DRICH1: variants seen among roughly 807,000 people sequenced by gnomAD.
DRICH1 encodes the protein aspartate-rich protein 1.
DRICH1 carries 38 observed loss-of-function variants against 39.5 expected under a neutral mutation model. The observed-to-expected ratio is 0.96, with a 90% CI of 0.74 to 1.26. The LOEUF is 1.26. DRICH1 is among the 50% of genes most tolerant of loss of function. The probability of loss-of-function intolerance (pLI) is 0.00; values close to 1 mark genes in which losing one functional copy is unlikely to be tolerated. For missense variants in DRICH1, 279 were observed against 270.4 expected (o/e 1.03, Z -0.22); for synonymous variants, 84 against 99.5 (o/e 0.84, Z 0.93).
the DRICH1 span, among the ~76,000 whole-genome samples, chr22:23,599,104 A>C: frequency 2.0e-5 from 3 of 152,206 alleles, no homozygotes; most frequent in African/African-American, 7.2e-5. Flanking sequence ...TACAGGGACA[A>C]TAAGGCCACT....
the DRICH1 span, among the ~76,000 whole-genome samples, chr22:23,597,916 T>G: frequency 6.6e-6 from 1 of 151,698 alleles, no homozygotes; most frequent in Non-Finnish European, 1.5e-5. Flanking sequence ...ACATCTGTCT[T>G]GTTTTTCTCC....
chr22:23,622,155 C>T lies in DRICH1; in HGVS notation c.320G>A (p.Ser107Asn). ...TTCACTTCGTGGTAGGCATACTAAA[C>T]TCAGGTTGTCCTCAGAAGAACCTGG... ...PVQGSSEDNL[S>N]LVCLPRSEDD... The change falls in exon 4 of 12, where the codon AGT becomes AAT. Residue 107 changes from serine to asparagine, a missense_variant. Coordinates refer to ENST00000317749, the MANE Select transcript of DRICH1 (RefSeq NM_016449.4). The T allele has an allele frequency of 6.2e-7, 1 of 1,614,100 alleles. No individual in the cohort carries two copies. Among genetic ancestry groups the T allele is most frequent in the Non-Finnish European group, 8.5e-7 (1 of 1,179,984 alleles).
chr22:23,582,870 A>G, the DRICH1 span, among the ~76,000 whole-genome samples: 3 of 152,098 alleles, frequency 2.0e-5, no homozygotes, highest in Non-Finnish European at 4.4e-5. Context: ...CAATTATCAT[A>G]TTATTATTAT....
chr22:23,621,210 G>A (rs1255342730), intron 4 of DRICH1, among the ~76,000 whole-genome samples: 2 of 151,918 alleles, frequency 1.3e-5, no homozygotes, highest in East Asian at 3.9e-4. Context: ...TGCTTGTTGG[G>A]CCCCCTCTCC....
At chr22:23,613,074 C>T (rs998918540) in intron 11 of DRICH1, among the ~76,000 whole-genome samples, 3 of 152,198 alleles carry the variant, frequency 2.0e-5, no homozygotes, top group Admixed American at 6.5e-5. Context: ...CAAAGATAAT[C>T]TCTCATGAAC....
downstream of DRICH1, among the ~76,000 whole-genome samples, chr22:23,604,914 G>A (rs1926649788): frequency 6.6e-6 from 1 of 152,096 alleles, no homozygotes; most frequent in Non-Finnish European, 1.5e-5. Context: ...AAAGTACATG[G>A]CCTTCCCTTT....
At chr22:23,623,239 T>C (rs1191237989) in intron 3 of DRICH1, among the ~76,000 whole-genome samples, 2 of 151,992 alleles carry the variant, frequency 1.3e-5, no homozygotes, top group Non-Finnish European at 1.5e-5. Flanking sequence ...ACCACATCTC[T>C]ACTAAAAATA....
At chr22:23,619,442 TG>T (rs1569091707) in intron 5 of DRICH1, 49 bp from the exon 6 acceptor site, 1 of 776,588 alleles carries the variant, frequency 1.3e-6, no homozygotes, top group South Asian at 1.4e-5. Flanking sequence ...AATCTCTATG[TG>T]CCTCAAATAA....
chr22:23,626,053 A>C lies in DRICH1; in HGVS notation c.209-5T>G. 1 of 1,609,566 alleles carries C rather than the reference A, an allele frequency of 6.2e-7. No individual in the cohort carries two copies. On this transcript the variant is annotated splice_region_variant and splice_polypyrimidine_tract_variant and intron_variant, in intron 1 of 11. Coordinates refer to ENST00000317749, the MANE Select transcript of DRICH1 (RefSeq NM_016449.4). ...TCAGGCGGTCCTCAGGGGGACCTAA[A>C]AGGACACAGAGTTAATGTCAGTGCC...
At chr22:23,629,832 G>T (rs1204221890) in intron 1 of DRICH1, among the ~76,000 whole-genome samples, 1 of 152,102 alleles carries the variant, frequency 6.6e-6, no homozygotes, top group Non-Finnish European at 1.5e-5. Flanking sequence ...TGGCCAGGCT[G>T]GTCTCAAGCT....
intron 3 of DRICH1, among the ~76,000 whole-genome samples, chr22:23,622,469 C>A (rs541163178): frequency 6.6e-6 from 1 of 152,274 alleles, no homozygotes; most frequent in African/African-American, 2.4e-5. Context: ...CTTCCTACCT[C>A]TCAAATGTTT....
At chr22:23,613,927 A>G (rs1927192399) in intron 9 of DRICH1, among the ~76,000 whole-genome samples, 1 of 152,248 alleles carries the variant, frequency 6.6e-6, no homozygotes, top group South Asian at 2.1e-4. Flanking sequence ...TCAGTATTCC[A>G]GTTGATAATG....
chr22:23,593,893 G>T, the DRICH1 span, among the ~76,000 whole-genome samples: 1 of 151,564 alleles, frequency 6.6e-6, no homozygotes, highest in African/African-American at 2.4e-5. Flanking sequence ...GAGGAGAATC[G>T]CTTGAACCCG....
intron 2 of DRICH1, 44 bp downstream of exon 2, chr22:23,625,937 A>G: frequency 6.6e-7 from 1 of 1,504,188 alleles, no homozygotes; most frequent in Non-Finnish European, 9.2e-7. Flanking sequence ...TTCTGACATC[A>G]GGAAAGCAAC....
chr22:23,619,401 G>A lies in DRICH1; in HGVS notation c.407-8C>T. ...CAAACCGGTAACAGCCACCTGCGGA[G>A]AAATGGAAAAGTTAATCTAAGACTT... On this transcript the variant is annotated splice_region_variant and splice_polypyrimidine_tract_variant and intron_variant, in intron 5 of 11. Coordinates refer to ENST00000317749, the MANE Select transcript of DRICH1 (RefSeq NM_016449.4). The A allele has an allele frequency of 1.3e-6, 1 of 780,426 alleles. No individual in the cohort carries two copies. The highest frequency in any genetic ancestry group is 2.4e-6 in the Non-Finnish European group (1 of 417,748). 48.3% of individuals were successfully genotyped at this position (780,426 alleles called of 1,614,324 possible).
downstream of DRICH1, chr22:23,606,901 T>C (rs1219736262): frequency 1.3e-5 from 2 of 152,404 alleles, no homozygotes; most frequent in Non-Finnish European, 2.9e-5. Context: ...CCAGGCAGCT[T>C]CGTGGGGTGA....
chr22:23,587,508 C>G, the DRICH1 span, among the ~76,000 whole-genome samples: 1 of 152,172 alleles, frequency 6.6e-6, no homozygotes, highest in East Asian at 1.9e-4. Context: ...AGGACCAGGA[C>G]CAGGGACGGG....
chr22:23,620,617 T>C lies in DRICH1; in HGVS notation c.385-2A>G. On this transcript the variant is annotated splice_acceptor_variant, in intron 4 of 11. Coordinates refer to ENST00000317749, the MANE Select transcript of DRICH1 (RefSeq NM_016449.4). LOFTEE classifies it high-confidence loss of function. ...ACCCTGGACACGTGACGGTAAAATC[T>C]GCAACGAGACAAAAGAAGATGCTAT... The C allele has an allele frequency of 6.2e-7, 1 of 1,613,980 alleles. No individual in the cohort carries two copies. The highest frequency in any genetic ancestry group is 8.5e-7 in the Non-Finnish European group (1 of 1,179,850).
chr22:23,617,710 C>A, intron 6 of DRICH1, 53 bp from the exon 7 acceptor site: 1 of 1,567,964 alleles, frequency 6.4e-7, no homozygotes, highest in Non-Finnish European at 8.8e-7. Context: ...GACTGTGAGT[C>A]ACTCAGGGAG....
Sources: allele counts gnomAD v4.1 joint callset (sites outside exome capture counted in the v4.1 genomes callset), GRCh38; gene constraint gnomAD v4.1.1; transcripts MANE v1.5; gene names NCBI Gene and HGNC (gene_info 2026-07-23, HGNC 2026-07-21).